PIGN: variants seen among roughly 807,000 people sequenced by gnomAD.
PIGN encodes phosphatidylinositol glycan anchor biosynthesis class N.
In PIGN, 117 loss-of-function variants were observed where a neutral mutation model predicts 125.4. The observed-to-expected ratio is 0.93, with a 90% CI of 0.80 to 1.09. The LOEUF (loss-of-function observed/expected upper bound fraction) is 1.09. PIGN is among the 50% of genes least tolerant of loss of function. PIGN has a pLI of 0.00. For synonymous variants in PIGN, 392 were observed against 377.8 expected, an observed-to-expected ratio of 1.04 and a Z score of -0.44; for missense variants, 1,075 against 1,094.9, an observed-to-expected ratio of 0.98 and a Z score of 0.26.
At chr18:62,029,974 G>C (rs2030172439) in intron 23 of PIGN, among the ~76,000 whole-genome samples, 4 of 152,118 alleles carry the variant, frequency 2.6e-5, no homozygotes. Context: ...AGATCCAGGG[G>C]ATGGATTGCA....
chr18:62,073,334 A>G (rs2032997759), intron 29 of PIGN, among the ~76,000 whole-genome samples: 1 of 152,114 alleles, frequency 6.6e-6, no homozygotes, highest in South Asian at 2.1e-4. Context: ...AGTAAAAAGT[A>G]GGAGTCAGAT....
chr18:62,077,694 G>A (rs1316821674), intron 28 of PIGN, among the ~76,000 whole-genome samples: 1 of 152,080 alleles, frequency 6.6e-6, no homozygotes, highest in Non-Finnish European at 1.5e-5. Flanking sequence ...GTAAATATCG[G>A]TTTCATTCTC....
chr18:62,082,863 T>C (rs1406040880), intron 27 of PIGN, 117 bp from the exon 28 acceptor site: 10 of 617,062 alleles, frequency 1.6e-5, no homozygotes, highest in East Asian at 2.8e-5. Flanking sequence ...CTTTTATATA[T>C]ACTAGTGAAG....
chr18:62,181,498 G>C (rs2037714509), intron 1 of PIGN, among the ~76,000 whole-genome samples: 2 of 152,066 alleles, frequency 1.3e-5, no homozygotes, highest in African/African-American at 2.4e-5. Flanking sequence ...AGCAACCTAA[G>C]CTTCCTGGGC....
At chr18:62,024,067 G>T (rs586025) in intron 23 of PIGN, among the ~76,000 whole-genome samples, 1 of 152,052 alleles carries the variant, frequency 6.6e-6, no homozygotes, top group East Asian at 1.9e-4. Flanking sequence ...GCAGCTAAAA[G>T]TAGGTTTTGT....
intron 14 of PIGN, chr18:62,136,038 G>A (rs752304447): frequency 6.6e-6 from 1 of 152,056 alleles, no homozygotes; most frequent in East Asian, 1.9e-4. Context: ...CCTGTTCACT[G>A]CTATATCCGC....
At chr18:62,097,084 A>C (rs1226642141) in intron 22 of PIGN, among the ~76,000 whole-genome samples, 2 of 151,034 alleles carry the variant, frequency 1.3e-5, no homozygotes, top group Admixed American at 1.3e-4. Context: ...GGATCTAATT[A>C]AACTAAAGAG....
At chr18:62,026,461 C>G (rs995359979) in intron 23 of PIGN, among the ~76,000 whole-genome samples, 7 of 152,114 alleles carry the variant, frequency 4.6e-5, no homozygotes, top group African/African-American at 1.7e-4. Flanking sequence ...TATTTGATTA[C>G]CACCAATTCC....
At chr18:62,139,651 T>C (rs1040677766) in intron 12 of PIGN, among the ~76,000 whole-genome samples, 3 of 152,238 alleles carry the variant, frequency 2.0e-5, no homozygotes, top group Non-Finnish European at 2.9e-5. Flanking sequence ...CTTAACAGCA[T>C]TACTATTTTC....
intron 27 of PIGN, among the ~76,000 whole-genome samples, chr18:62,083,329 C>T (rs1215305294): frequency 6.6e-6 from 1 of 151,984 alleles, no homozygotes; most frequent in East Asian, 1.9e-4. Context: ...AATCCATAAT[C>T]CAGAGCTAAT....
At chr18:62,078,642 G>T (rs2033296112) in intron 28 of PIGN, among the ~76,000 whole-genome samples, 1 of 152,118 alleles carries the variant, frequency 6.6e-6, no homozygotes, top group Non-Finnish European at 1.5e-5. Flanking sequence ...AGAAGGATAG[G>T]GTTATCATTC....
intron 30 of PIGN, among the ~76,000 whole-genome samples, chr18:62,061,190 A>G (rs2032101436): frequency 6.6e-6 from 1 of 152,216 alleles, no homozygotes; most frequent in African/African-American, 2.4e-5. Flanking sequence ...CAGATATACT[A>G]TCTAATGCCC....
At chr18:62,121,775 G>A (rs867019327) in intron 14 of PIGN, among the ~76,000 whole-genome samples, 1 of 151,980 alleles carries the variant, frequency 6.6e-6, no homozygotes, top group South Asian at 2.1e-4. Flanking sequence ...ATCTACTGAT[G>A]GGCACTTAGA....
chr18:62,056,017 T>C (rs1004620782), intron 30 of PIGN, among the ~76,000 whole-genome samples: 2 of 145,210 alleles, frequency 1.4e-5, no homozygotes, highest in East Asian at 4.3e-4. Flanking sequence ...TCTGAACTTA[T>C]TTAAGTTGGT....
chr18:62,076,932 G>A (rs1019653934), intron 28 of PIGN, among the ~76,000 whole-genome samples: 5 of 152,152 alleles, frequency 3.3e-5, no homozygotes, highest in African/African-American at 1.2e-4. Flanking sequence ...GCATTGTCTA[G>A]CACTAGTTTT....
rs139613830 is a variant in PIGN, at chr18:62,140,375, G to GT, written c.1023+44dup. ...AAAGAGTACATTTTACTGTGCGATA[G>GT]TTTTTTTTTATACTGAGAGTTGATA... On this transcript the variant is annotated intron_variant, in intron 12 of 30. Transcript: ENST00000640252. 90,948 of 847,722 alleles carry GT rather than the reference G, an allele frequency of 0.11. 3,624 individuals are homozygous for GT. Among genetic ancestry groups the GT allele is most frequent in the South Asian group, 0.19 (10,670 of 57,264 alleles). The allele number at this position is 847,722 out of a possible 1,614,324, so 52.5% of individuals were successfully genotyped here.
chr18:62,028,820 C>A (rs2030158325), intron 23 of PIGN, among the ~76,000 whole-genome samples: 1 of 152,210 alleles, frequency 6.6e-6, no homozygotes, highest in Admixed American at 6.5e-5. Flanking sequence ...AAATTATCAT[C>A]AGAGGAAGAA....
chr18:62,173,960 A>T (rs994800275), intron 1 of PIGN, among the ~76,000 whole-genome samples: 8 of 152,198 alleles, frequency 5.3e-5, no homozygotes, highest in African/African-American at 1.9e-4. Context: ...TTACGCCTGT[A>T]ATCTCAGCAC....
At chr18:62,038,816 G>GCT (rs1450061072), downstream of PIGN, among the ~76,000 whole-genome samples, 1 of 152,038 alleles carries the variant, frequency 6.6e-6, no homozygotes, top group Non-Finnish European at 1.5e-5. Flanking sequence ...TATTCAGGAG[G>GCT]CTGAGGTAAG....
Sources: allele counts gnomAD v4.1 joint callset (sites outside exome capture counted in the v4.1 genomes callset), GRCh38; gene constraint gnomAD v4.1.1; transcripts MANE v1.5; gene names NCBI Gene and HGNC (gene_info 2026-07-23, HGNC 2026-07-21).